The following DSTYK variants were observed in gnomAD, a reference collection of about 807,000 sequenced individuals.
DSTYK encodes the protein RIP-homologous kinase.
Under a neutral mutation model 98.7 loss-of-function variants are expected in DSTYK, and 34 were observed. That is an observed-to-expected ratio of 0.34 (90% CI 0.26 to 0.46). The LOEUF (loss-of-function observed/expected upper bound fraction) is 0.46, where lower values mean the gene tolerates loss of function less well. Among genes scored for constraint, DSTYK ranks in the 20% least tolerant of loss-of-function variants. The probability of loss-of-function intolerance (pLI) is 1.00; values close to 1 mark genes in which losing one functional copy is unlikely to be tolerated. For synonymous variants in DSTYK, 462 were observed against 457.3 expected (o/e 1.01, Z -0.13); for missense variants, 962 against 1,181.7 (o/e 0.81, Z 2.73).
At chr1:205,156,414 C>G (rs998104495) in intron 10 of DSTYK, among the ~76,000 whole-genome samples, 7 of 152,152 alleles carry the variant, frequency 4.6e-5, no homozygotes, top group African/African-American at 1.7e-4. Flanking sequence ...CATGGGAGAC[C>G]ACCTCTTGCA....
At chr1:205,202,013 T>C (rs997593088) in intron 1 of DSTYK, among the ~76,000 whole-genome samples, 2 of 150,870 alleles carry the variant, frequency 1.3e-5, no homozygotes, top group East Asian at 2.0e-4. Flanking sequence ...TGAGCCAAGA[T>C]TGCACCACTG....
chr1:205,207,576 C>A (rs929618889), intron 1 of DSTYK, among the ~76,000 whole-genome samples: 1 of 150,338 alleles, frequency 6.7e-6, no homozygotes, highest in Admixed American at 6.6e-5. Flanking sequence ...CACGGTAAAA[C>A]CCTGTCTCTA....
rs112071974 is a variant in DSTYK at position 205,149,620 on chromosome 1, C to T, written c.2467+1060G>A. On this transcript the variant is annotated intron_variant, in intron 11 of 12. Coordinates refer to ENST00000367162, the MANE Select transcript of DSTYK (RefSeq NM_015375.3). ...AACACCAGCTTAATCATGGAGGCAA[C>T]CATAGAAGACCAGCTATCTAGTCTT... Among the ~76,000 whole-genome samples, 879 of 152,284 alleles carry T rather than the reference C, an allele frequency of 5.8e-3. 13 individuals are homozygous for T. The highest frequency in any genetic ancestry group is 0.02 in the African/African-American group (834 of 41,546).
chr1:205,144,478 A>G lies in DSTYK; in HGVS notation c.*3080T>C, dbSNP rs532038715. On this transcript the variant is annotated 3_prime_UTR_variant, in exon 13 of 13. Transcript: ENST00000367162. Reference sequence around the variant, plus strand: ...CTAGTGTCCTCCCAAGTAATATACAATACAGTACATTTCATGGCATTCCAT... The same window carrying G: ...CTAGTGTCCTCCCAAGTAATATACAGTACAGTACATTTCATGGCATTCCAT... 6 of 152,750 alleles carry G rather than the reference A, an allele frequency of 3.9e-5. No homozygotes were observed. The highest frequency in any genetic ancestry group is 3.3e-4 in the Admixed American group (5 of 15,296). 9.5% of individuals were successfully genotyped at this position (152,750 alleles called of 1,614,324 possible).
At chr1:205,208,052 G>T (rs1321921948) in intron 1 of DSTYK, among the ~76,000 whole-genome samples, 1 of 151,654 alleles carries the variant, frequency 6.6e-6, no homozygotes, top group East Asian at 2.0e-4. Context: ...TAATTTTTTT[G>T]GATTTTTAAT....
chr1:205,187,152 T>C (rs1029020628), intron 2 of DSTYK, among the ~76,000 whole-genome samples: 1 of 152,184 alleles, frequency 6.6e-6, no homozygotes, highest in Admixed American at 6.5e-5. Context: ...GTATCACATA[T>C]TCCTTTCATT....
chr1:205,174,330 T>C (rs1327247079), intron 2 of DSTYK, among the ~76,000 whole-genome samples: 2 of 151,894 alleles, frequency 1.3e-5, no homozygotes, highest in Non-Finnish European at 2.9e-5. Context: ...TTGGCCAATA[T>C]GGTGAAACCC....
chr1:205,209,883 T>TTTATTA lies in DSTYK; in HGVS notation c.265+1382_265+1387dup, dbSNP rs1424802830. Among the ~76,000 whole-genome samples, 168 of 149,168 alleles carry TTTATTA rather than the reference T, an allele frequency of 1.1e-3. 1 individual carries two copies. Among genetic ancestry groups the TTTATTA allele is most frequent in the African/African-American group, 4.1e-3 (163 of 39,978 alleles). On this transcript the variant is annotated intron_variant, in intron 1 of 12. Transcript: ENST00000367162. ...ACCTGCATCACCTTCCCCAGTGTCT[T>TTTATTA]TTATTATTACTATTATTATTATTAT...
At position 205,211,680 on chromosome 1, in the gene DSTYK, T is replaced by C; in HGVS notation, c.-145A>G. The C allele has an allele frequency of 8.6e-7, 1 of 1,165,870 alleles. No homozygotes were observed. 72.2% of individuals were successfully genotyped at this position (1,165,870 alleles called of 1,614,324 possible). A position where few individuals can be genotyped will look rare whatever the true frequency, so the allele number is the denominator to read the frequency against. ...CAGCCTGGCTCCCAACCTCCGTCAC[T>C]GCCGTTGCAAACAAACCAAACCGCA... is the stretch of plus-strand genomic sequence containing the variant. On this transcript the variant is annotated 5_prime_UTR_variant, in exon 1 of 13. Transcript: ENST00000367162.
chr1:205,190,233 T>C (rs1306225644), intron 1 of DSTYK, among the ~76,000 whole-genome samples: 1 of 152,164 alleles, frequency 6.6e-6, no homozygotes, highest in Non-Finnish European at 1.5e-5. Context: ...TAGAAAGCTG[T>C]AAGCAAACCC....
intron 9 of DSTYK, among the ~76,000 whole-genome samples, chr1:205,158,157 G>A (rs1187175778): frequency 3.3e-5 from 5 of 152,138 alleles, no homozygotes; most frequent in African/African-American, 1.2e-4. Flanking sequence ...AAAGCTCAAA[G>A]GACATTCTCT....
At chr1:205,196,276 G>A (rs1658863949) in intron 1 of DSTYK, among the ~76,000 whole-genome samples, 1 of 152,188 alleles carries the variant, frequency 6.6e-6, no homozygotes, top group African/African-American at 2.4e-5. Flanking sequence ...TCACCATTGG[G>A]CTGCACACGG....
rs557299644 is a variant in DSTYK, at chr1:205,198,069, T to C, written c.266-10263A>G. ...TTAGCTGGGCGTGGTGGCACATGCCTGTAATCCCAGCTACTCGGTAGGCTG... is the reference window on the plus strand; with the variant it reads ...TTAGCTGGGCGTGGTGGCACATGCCCGTAATCCCAGCTACTCGGTAGGCTG... On this transcript the variant is annotated intron_variant, in intron 1 of 12. Transcript: ENST00000367162. Among the ~76,000 whole-genome samples the C allele has an allele frequency of 3.9e-5, 6 of 152,224 alleles. No individual in the cohort carries two copies. In the South Asian group the frequency reaches 1.2e-3, roughly 32 times the overall value.
intron 1 of DSTYK, among the ~76,000 whole-genome samples, chr1:205,188,865 T>C (rs1460717100): frequency 3.3e-5 from 5 of 152,298 alleles, no homozygotes; most frequent in African/African-American, 9.6e-5. Context: ...TCAAATCACA[T>C]TCCTTCTGTT....
chr1:205,165,133 G>A (rs559720842), intron 3 of DSTYK, among the ~76,000 whole-genome samples: 9 of 152,032 alleles, frequency 5.9e-5, no homozygotes, highest in Non-Finnish European at 1.3e-4. Context: ...TAGCTCTATC[G>A]CCTAGGCTGG....
chr1:205,193,870 C>CAA (rs61391440), intron 1 of DSTYK, among the ~76,000 whole-genome samples: 25 of 98,058 alleles, frequency 2.5e-4, no homozygotes, highest in Non-Finnish European at 4.2e-4. Context: ...GACTCCGTCT[C>CAA]AAAAAAAAAA....
At chr1:205,170,836 C>T (rs987485235) in intron 2 of DSTYK, among the ~76,000 whole-genome samples, 1 of 151,960 alleles carries the variant, frequency 6.6e-6, no homozygotes, top group Non-Finnish European at 1.5e-5. Context: ...TGGCCTTGTC[C>T]TTCTTCCTGC....
chr1:205,150,595 G>T lies in DSTYK; in HGVS notation c.2467+85C>A. 2 of 1,102,352 alleles carry T rather than the reference G, an allele frequency of 1.8e-6. No homozygotes were observed. Among genetic ancestry groups the T allele is most frequent in the South Asian group, 1.4e-5 (1 of 72,742 alleles). 68.3% of individuals were successfully genotyped at this position (1,102,352 alleles called of 1,614,324 possible). A position where few individuals can be genotyped will look rare whatever the true frequency, so the allele number is the denominator to read the frequency against. On this transcript the variant is annotated intron_variant, in intron 11 of 12. Coordinates refer to ENST00000367162, the MANE Select transcript of DSTYK (RefSeq NM_015375.3). The surrounding 1 kb of genome is among the most constrained non-coding windows in gnomAD (Gnocchi z 4.1). ...TGCCTGTGCCAGACCTGCCAGTAGTGATTGTGGAAACGAGCTCAAGGGGTA... is the reference window on the plus strand; with the variant it reads ...TGCCTGTGCCAGACCTGCCAGTAGTTATTGTGGAAACGAGCTCAAGGGGTA...
At chr1:205,175,335 G>A (rs916361272) in intron 2 of DSTYK, among the ~76,000 whole-genome samples, 2 of 149,232 alleles carry the variant, frequency 1.3e-5, no homozygotes, top group South Asian at 2.1e-4. Flanking sequence ...CTCGTGATCC[G>A]CCTGCCTCAG....
Sources: gnomAD v4.1 joint callset for allele counts (sites outside exome capture counted in the v4.1 genomes callset) on GRCh38, gnomAD v4.1.1 for gene constraint, Gnocchi (gnomAD v3.1) non-coding constraint, MANE v1.5 for transcripts, NCBI Gene and HGNC (gene_info 2026-07-23, HGNC 2026-07-21) for gene names.